The following NALF1 variants were observed in gnomAD, a reference collection of about 807,000 sequenced individuals.
NALF1 encodes NALCN channel auxiliary factor 1, also known as family with sequence similarity 155 member A.
In NALF1, 3 loss-of-function variants were observed where a neutral mutation model predicts 48.4. The observed-to-expected ratio is 0.06, with a 90% CI of 0.03 to 0.16. NALF1 has a LOEUF of 0.16. Ranked by LOEUF, NALF1 falls within the 10% of genes least tolerant of loss-of-function variation. NALF1 has a pLI of 1.00. For synonymous variants in NALF1, 262 were observed against 245.7 expected, an observed-to-expected ratio of 1.07 and a Z score of -0.62; for missense variants, 526 against 571.5, an observed-to-expected ratio of 0.92 and a Z score of 0.81.
At chr13:107,468,030 A>G (rs1018188510) in intron 1 of NALF1, among the ~76,000 whole-genome samples, 2 of 144,714 alleles carry the variant, frequency 1.4e-5, no homozygotes, top group Non-Finnish European at 3.0e-5. Context: ...CCTGGGCGAC[A>G]GAGCGAGACT....
intron 1 of NALF1, among the ~76,000 whole-genome samples, chr13:107,240,412 C>G (rs1326437785): frequency 6.6e-6 from 1 of 152,204 alleles, no homozygotes; most frequent in African/African-American, 2.4e-5. Flanking sequence ...CACTTCATCT[C>G]TATCTCAGTT....
At chr13:107,278,770 T>C (rs933721430) in intron 1 of NALF1, among the ~76,000 whole-genome samples, 13 of 152,234 alleles carry the variant, frequency 8.5e-5, no homozygotes, top group Non-Finnish European at 1.9e-4. Context: ...CTATGAAGCA[T>C]AAAAGCTTAA....
intron 1 of NALF1, among the ~76,000 whole-genome samples, chr13:107,736,324 C>T (rs1206881306): frequency 1.3e-5 from 2 of 152,066 alleles, no homozygotes; most frequent in Non-Finnish European, 2.9e-5. Context: ...GGCGGCATTT[C>T]TTAGGTTGCA....
At chr13:107,292,273 G>A (rs905550461) in intron 1 of NALF1, among the ~76,000 whole-genome samples, 17 of 152,188 alleles carry the variant, frequency 1.1e-4, no homozygotes, top group African/African-American at 3.4e-4. Context: ...TAGGGCACAT[G>A]CCATGAATGG....
chr13:107,489,415 C>T (rs1243820833), intron 1 of NALF1, among the ~76,000 whole-genome samples: 1 of 152,012 alleles, frequency 6.6e-6, no homozygotes, highest in Non-Finnish European at 1.5e-5. Flanking sequence ...GCATGGTACT[C>T]GTATAAAAAC....
At chr13:107,860,683 C>A (rs569310879) in intron 1 of NALF1, among the ~76,000 whole-genome samples, 2 of 152,292 alleles carry the variant, frequency 1.3e-5, no homozygotes, top group Admixed American at 6.5e-5. Context: ...GAGAGCAACA[C>A]AGCGGATAAA....
At chr13:107,265,303 T>A (rs907615204) in intron 1 of NALF1, among the ~76,000 whole-genome samples, 3 of 152,218 alleles carry the variant, frequency 2.0e-5, no homozygotes, top group African/African-American at 7.2e-5. Flanking sequence ...CAGAATTTGG[T>A]TATTATTAAT....
chr13:107,575,236 G>A (rs1878104986), intron 1 of NALF1, among the ~76,000 whole-genome samples: 1 of 152,126 alleles, frequency 6.6e-6, no homozygotes. Flanking sequence ...AACTGGTAGA[G>A]TTCAGGGGAA....
At chr13:107,833,446 C>T (rs1879801862) in intron 1 of NALF1, among the ~76,000 whole-genome samples, 1 of 152,156 alleles carries the variant, frequency 6.6e-6, no homozygotes, top group African/African-American at 2.4e-5. Context: ...GAAAACTATT[C>T]CTGCTAGCTG....
At chr13:107,715,453 C>T (rs778436451) in intron 1 of NALF1, among the ~76,000 whole-genome samples, 17 of 152,268 alleles carry the variant, frequency 1.1e-4, no homozygotes, top group African/African-American at 1.7e-4. Flanking sequence ...CTGCCCACCT[C>T]GGCCTCCCAA....
intron 1 of NALF1, among the ~76,000 whole-genome samples, chr13:107,837,166 C>A (rs569696598): frequency 1.3e-5 from 2 of 152,248 alleles, no homozygotes; most frequent in African/African-American, 4.8e-5. Flanking sequence ...TGTCCCCTAG[C>A]CCCCTTTAAA....
In NALF1 at chr13:107,672,767, C is replaced by G. The variant is rs1196365519; in HGVS notation, c.915+192915G>C. ...AACTCCCTACTTAAACTCCAGTGAC[C>G]TAAGGTGATTTTAAATTATCTGAGG... On this transcript the variant is annotated intron_variant, in intron 1 of 2. Transcript: ENST00000375915. Among the ~76,000 whole-genome samples, 6 of 152,212 alleles carry G rather than the reference C, an allele frequency of 3.9e-5. No homozygotes were observed. In the East Asian group the frequency reaches 9.6e-4, roughly 24 times the overall value.
Position 107,212,472 on chromosome 13 carries a change from GGTGGGCT to G in NALF1, c.916-1724_916-1718del, listed in dbSNP as rs1879781898. 3.9e-5 allele frequency among the ~76,000 whole-genome samples: 6 copies of G among 152,200 alleles called. No homozygotes were observed. In the South Asian group the frequency reaches 1.2e-3, roughly 32 times the overall value. On this transcript the variant is annotated intron_variant, in intron 1 of 2. Transcript: ENST00000375915. ...ATTCTTATGCCAACTGGGAAACGGAGGTGGGCTGTGGCTGTGTGCCCCAGGAGGACAG... is the reference window on the plus strand; with the variant it reads ...ATTCTTATGCCAACTGGGAAACGGAGGTGGCTGTGTGCCCCAGGAGGACAG...
At chr13:107,302,189 A>C (rs1881850405) in intron 1 of NALF1, among the ~76,000 whole-genome samples, 3 of 152,108 alleles carry the variant, frequency 2.0e-5, no homozygotes, top group Admixed American at 2.0e-4. Context: ...GCCCTGTGCC[A>C]CCTGGGGACT....
At chr13:107,359,551 A>G (rs994608069) in intron 1 of NALF1, among the ~76,000 whole-genome samples, 4 of 152,122 alleles carry the variant, frequency 2.6e-5, no homozygotes, top group African/African-American at 9.6e-5. Context: ...TACAAAAATT[A>G]TAAAGTTTTG....
intron 1 of NALF1, among the ~76,000 whole-genome samples, chr13:107,710,862 T>C (rs1219510060): frequency 1.3e-5 from 2 of 150,636 alleles, no homozygotes; most frequent in Non-Finnish European, 3.0e-5. Flanking sequence ...CAGATATGTG[T>C]ATATGTATAT....
intron 1 of NALF1, among the ~76,000 whole-genome samples, chr13:107,476,884 G>T (rs1885183097): frequency 6.6e-6 from 1 of 151,952 alleles, no homozygotes; most frequent in South Asian, 2.1e-4. Flanking sequence ...CAATTAATTT[G>T]TAAGTCAATA....
intron 1 of NALF1, among the ~76,000 whole-genome samples, chr13:107,285,506 T>G (rs912818457): frequency 1.3e-5 from 2 of 152,084 alleles, no homozygotes; most frequent in African/African-American, 4.8e-5. Flanking sequence ...TTCCAACAAA[T>G]GAAAACCCAC....
At chr13:107,783,255 C>T (rs1441116915) in intron 1 of NALF1, among the ~76,000 whole-genome samples, 1 of 137,862 alleles carries the variant, frequency 7.3e-6, no homozygotes, top group African/African-American at 2.7e-5. Flanking sequence ...GTCAGCCCCC[C>T]GCCCGGCCAG....
Sources: gnomAD v4.1 joint callset for allele counts (sites outside exome capture counted in the v4.1 genomes callset) on GRCh38, gnomAD v4.1.1 for gene constraint, MANE v1.5 for transcripts, NCBI Gene and HGNC (gene_info 2026-07-23, HGNC 2026-07-21) for gene names.